Variants in NRG1 observed in about 807,000 individuals in gnomAD.
NRG1 encodes pro-neuregulin-1, membrane-bound isoform.
A neutral mutation model predicts 63.8 loss-of-function variants in NRG1; 18 were observed. The observed-to-expected ratio is 0.28, with a 90% CI of 0.19 to 0.42. NRG1 has a LOEUF of 0.42. Ranked by LOEUF, NRG1 falls within the 10% of genes least tolerant of loss-of-function variation. NRG1 has a pLI of 1.00. For missense variants in NRG1, 762 were observed against 814.7 expected, an observed-to-expected ratio of 0.94 and a Z score of 0.79; for synonymous variants, 302 against 301.3, an observed-to-expected ratio of 1.00 and a Z score of -0.02.
chr8:31,803,602 AG>A (rs1821999113), intron 1 of NRG1, among the ~76,000 whole-genome samples: 2 of 152,200 alleles, frequency 1.3e-5, no homozygotes, highest in South Asian at 4.1e-4. Flanking sequence ...ATAATCTTAG[AG>A]CTGATCTGTT....
chr8:32,602,934 C>A (rs1844629182), intron 2 of NRG1, among the ~76,000 whole-genome samples: 1 of 152,088 alleles, frequency 6.6e-6, no homozygotes, highest in African/African-American at 2.4e-5. Context: ...ATTAATACAG[C>A]CTGCATTGGG....
chr8:32,699,098 A>G, intron 5 of NRG1, among the ~76,000 whole-genome samples: 1 of 152,228 alleles, frequency 6.6e-6, no homozygotes, highest in East Asian at 1.9e-4. Flanking sequence ...GGTGTCTTAA[A>G]TAAATAATAT....
intron 1 of NRG1, among the ~76,000 whole-genome samples, chr8:32,119,800 C>T (rs970375533): frequency 6.6e-6 from 1 of 152,026 alleles, no homozygotes; most frequent in Admixed American, 6.6e-5. Context: ...ACTACCCTAA[C>T]AATCTGTTTT....
intron 1 of NRG1, among the ~76,000 whole-genome samples, chr8:32,044,974 A>G (rs921200745): frequency 2.6e-5 from 4 of 151,048 alleles, no homozygotes; most frequent in Non-Finnish European, 5.9e-5. Flanking sequence ...AATAAAGAGC[A>G]TACATCAATA....
intron 1 of NRG1, among the ~76,000 whole-genome samples, chr8:32,090,455 G>A (rs956656369): frequency 6.6e-6 from 1 of 151,950 alleles, no homozygotes; most frequent in African/African-American, 2.4e-5. Context: ...CGAGAAGCTG[G>A]GATTATAGGT....
intron 5 of NRG1, among the ~76,000 whole-genome samples, chr8:32,627,419 T>G (rs1463863709): frequency 6.6e-6 from 1 of 152,178 alleles, no homozygotes; most frequent in Non-Finnish European, 1.5e-5. Flanking sequence ...ATGTTACATA[T>G]CCGAGGAGAT....
chr8:31,671,213 C>T (rs1807109501), intron 1 of NRG1, among the ~76,000 whole-genome samples: 1 of 152,060 alleles, frequency 6.6e-6, no homozygotes, highest in Non-Finnish European at 1.5e-5. Flanking sequence ...TGTTTTCTAC[C>T]AGATACTTCC....
chr8:32,194,666 C>T (rs558477704), intron 1 of NRG1, among the ~76,000 whole-genome samples: 25 of 152,220 alleles, frequency 1.6e-4, no homozygotes, highest in African/African-American at 5.3e-4. Context: ...GCTTCTCTAT[C>T]GCTTTGTTTA....
intron 1 of NRG1, among the ~76,000 whole-genome samples, chr8:32,559,260 A>AAAAAAAAAAAAAAAAAC (rs1835878998): frequency 6.6e-6 from 1 of 150,752 alleles, no homozygotes; most frequent in African/African-American, 2.4e-5. Flanking sequence ...AAAAAAAAAA[A>AAAAAAAAAAAAAAAAAC]AAATCACTAC....
chr8:32,331,564 T>C (rs1170724039), intron 1 of NRG1, among the ~76,000 whole-genome samples: 1 of 151,970 alleles, frequency 6.6e-6, no homozygotes, highest in Non-Finnish European at 1.5e-5. Context: ...AATTGCCCCT[T>C]TACAATTTAA....
chr8:31,798,891 A>G (rs1417558310), intron 1 of NRG1, among the ~76,000 whole-genome samples: 1 of 152,082 alleles, frequency 6.6e-6, no homozygotes, highest in Non-Finnish European at 1.5e-5. Context: ...ACATCAGAAT[A>G]TAGAACAGGT....
At chr8:31,645,282 T>A (rs551785085) in intron 1 of NRG1, among the ~76,000 whole-genome samples, 2 of 152,316 alleles carry the variant, frequency 1.3e-5, no homozygotes, top group South Asian at 4.1e-4. Context: ...CACATTCTGT[T>A]GAAATCTAAT....
intron 1 of NRG1, among the ~76,000 whole-genome samples, chr8:31,891,082 C>G (rs1585539520): frequency 6.6e-6 from 1 of 152,116 alleles, no homozygotes; most frequent in African/African-American, 2.4e-5. Flanking sequence ...TCTTTCAGAT[C>G]TAAGGTGAGC....
chr8:31,800,455 T>C (rs928931696), intron 1 of NRG1, among the ~76,000 whole-genome samples: 1 of 152,208 alleles, frequency 6.6e-6, no homozygotes, highest in African/African-American at 2.4e-5. Context: ...TGTCTTATAG[T>C]GACCAAATGT....
At chr8:32,446,490 A>C (rs1349897408) in intron 1 of NRG1, among the ~76,000 whole-genome samples, 1 of 152,106 alleles carries the variant, frequency 6.6e-6, no homozygotes, top group African/African-American at 2.4e-5. Context: ...CCCTGTCTCT[A>C]CAAAAAATAC....
intron 1 of NRG1, among the ~76,000 whole-genome samples, chr8:32,455,106 A>G (rs1821441615): frequency 6.6e-6 from 1 of 152,158 alleles, no homozygotes; most frequent in African/African-American, 2.4e-5. Flanking sequence ...GAAATTGCCT[A>G]CTGACACATT....
chr8:31,792,468 A>G (rs1213301918), intron 1 of NRG1, among the ~76,000 whole-genome samples: 1 of 152,258 alleles, frequency 6.6e-6, no homozygotes, highest in Non-Finnish European at 1.5e-5. Flanking sequence ...TGTCTAGTGC[A>G]TTCCAAATCA....
chr8:32,057,329 T>C (rs1823111160), intron 1 of NRG1, among the ~76,000 whole-genome samples: 1 of 152,326 alleles, frequency 6.6e-6, no homozygotes. Context: ...TTATTTATTT[T>C]GCATTGAGTC....
intron 1 of NRG1, among the ~76,000 whole-genome samples, chr8:32,187,374 C>A (rs911005534): frequency 1.3e-5 from 2 of 152,024 alleles, no homozygotes; most frequent in Admixed American, 1.3e-4. Flanking sequence ...ATAGGAGAGC[C>A]CTTTCCTTAT....
Sources: gnomAD v4.1 joint callset for allele counts (sites outside exome capture counted in the v4.1 genomes callset) on GRCh38, gnomAD v4.1.1 for gene constraint, MANE v1.5 for transcripts, NCBI Gene and HGNC (gene_info 2026-07-23, HGNC 2026-07-21) for gene names.